Variants in MAN1B1 observed in about 807,000 individuals in gnomAD.
The protein encoded by MAN1B1 is endoplasmic reticulum mannosyl-oligosaccharide 1,2-alpha-mannosidase.
MAN1B1 carries 66 observed loss-of-function variants against 75.5 expected under a neutral mutation model. That is an observed-to-expected ratio of 0.87 (90% CI 0.72 to 1.07). The LOEUF (loss-of-function observed/expected upper bound fraction) is 1.07, where lower values mean the gene tolerates loss of function less well. Ranked by LOEUF, MAN1B1 falls within the 50% of genes least tolerant of loss-of-function variation. MAN1B1 has a pLI of 0.00. For missense variants in MAN1B1, 973 were observed against 912.5 expected (o/e 1.07, Z -0.85); for synonymous variants, 453 against 382.8 (o/e 1.18, Z -2.14).
chr9:137,099,812 G>A lies in MAN1B1; in HGVS notation c.847G>A (p.Glu283Lys). 1 of 1,614,244 alleles carries A rather than the reference G, an allele frequency of 6.2e-7. No individual in the cohort carries two copies. The change falls in exon 6 of 13, where the codon GAG (glutamate) becomes AAG (lysine). Residue 283 changes from glutamate (E) to lysine (K), a missense_variant. Coordinates refer to ENST00000371589, the MANE Select transcript of MAN1B1 (RefSeq NM_016219.5). ...GAAGCCTGTGTCCAGGTCCTTCAGTGAGTGGTTTGGCCTCGGTCTCACACT... is the reference window on the plus strand; with the variant it reads ...GAAGCCTGTGTCCAGGTCCTTCAGTAAGTGGTTTGGCCTCGGTCTCACACT... ...ELKPVSRSFS[E>K]WFGLGLTLID...
Position 137,108,807 on chromosome 9 carries a change from A to T in MAN1B1, c.*216A>T. 1 of 689,656 alleles carries T rather than the reference A, an allele frequency of 1.5e-6. No homozygotes were observed. The highest frequency in any genetic ancestry group is 2.7e-6 in the Non-Finnish European group (1 of 377,334). 42.7% of individuals were successfully genotyped at this position (689,656 alleles called of 1,614,324 possible). On this transcript the variant is annotated 3_prime_UTR_variant, in exon 13 of 13. Transcript: ENST00000371589. ...GATGCGGGGTGGGCTGGGCCGCTGG[A>T]GCCTCCGCCTGCTTCCTCCAGAAGA...
intron 12 of MAN1B1, chr9:137,108,046 C>G: frequency 3.3e-6 from 2 of 609,970 alleles, no homozygotes; most frequent in Non-Finnish European, 2.9e-6. Flanking sequence ...GCCAGAGTGT[C>G]ACTTCCTGGC....
At chr9:137,104,059 G>A (rs901898329) in intron 8 of MAN1B1, 3 of 456,696 alleles carry the variant, frequency 6.6e-6, no homozygotes, top group Non-Finnish European at 1.3e-5. Context: ...TCATGCTGTT[G>A]TGCAGCTATC....
At position 137,108,464 on chromosome 9, in the gene MAN1B1, G is replaced by A. The variant is rs750201202; in HGVS notation, c.1973G>A (p.Ser658Asn). 3 of 1,614,008 alleles carry A rather than the reference G, an allele frequency of 1.9e-6. No individual in the cohort carries two copies. The highest frequency in any genetic ancestry group is 2.2e-5 in the East Asian group (1 of 44,890). ...QKPEPRDKME[S>N]FFLGETLKYL... is the part of the protein sequence containing the mutation. Reference sequence around the variant, plus strand: ...CCCGAGCCTAGGGACAAGATGGAGAGCTTCTTCCTGGGGGAGACGCTCAAG... The same window carrying A: ...CCCGAGCCTAGGGACAAGATGGAGAACTTCTTCCTGGGGGAGACGCTCAAG... The change falls in exon 13 of 13, where the codon AGC (serine) becomes AAC (asparagine). Residue 658 changes from serine (S) to asparagine (N), a missense_variant. Ser to Asn is a conservative substitution (Grantham distance 46, BLOSUM62 1). Coordinates refer to ENST00000371589, the MANE Select transcript of MAN1B1 (RefSeq NM_016219.5).
chr9:137,101,250 T>G, intron 7 of MAN1B1, 97 bp downstream of exon 7: 10 of 1,494,578 alleles, frequency 6.7e-6, no homozygotes, highest in Non-Finnish European at 8.3e-6. Flanking sequence ...TCTTCCTGTT[T>G]CCTCTTCAAA....
At chr9:137,096,194 C>T (rs954428753) in intron 3 of MAN1B1, 43 bp from the exon 4 acceptor site, 22 of 1,611,782 alleles carry the variant, frequency 1.4e-5, no homozygotes, top group Middle Eastern at 1.6e-4. Context: ...AAGGGCAGCT[C>T]GCAGACACCC....
intron 12 of MAN1B1, chr9:137,108,113 T>A (rs1831184231): frequency 3.3e-6 from 2 of 608,240 alleles, no homozygotes; most frequent in Non-Finnish European, 5.8e-6. Context: ...GTCTGCCCTG[T>A]GCCCTGTGCC....
rs751469383 is a variant in MAN1B1, at chr9:137,107,660, C to T, written c.1894C>T (p.Arg632Trp). 30 of 1,609,516 alleles carry T rather than the reference C, an allele frequency of 1.9e-5. No individual in the cohort carries two copies. In the African/African-American group the frequency reaches 2.1e-4, roughly 11 times the overall value. ...EILQSFSRFT[R>W]VPSGGYSSIN... ...TCTGCAGAGCTTCAGCCGATTCACA[C>T]GGGTGAGCACCTGTCCTCGCCCCGC... The change falls in exon 12 of 13, where the codon CGG (arginine) becomes TGG (tryptophan). Residue 632 changes from arginine to tryptophan, a missense_variant and splice_region_variant. By Grantham distance (101) the Arg-to-Trp change is moderately radical (BLOSUM62 -3). Transcript: ENST00000371589.
At chr9:137,088,215 T>C (rs1295388808) in intron 2 of MAN1B1, 32 bp downstream of exon 2, 1 of 1,614,014 alleles carries the variant, frequency 6.2e-7, no homozygotes, top group Admixed American at 1.7e-5. Flanking sequence ...GAAAACGATA[T>C]CTGTGTTGAG....
chr9:137,104,009 A>C (rs1379113864), intron 8 of MAN1B1: 1 of 454,948 alleles, frequency 2.2e-6, no homozygotes, highest in East Asian at 7.0e-5. Flanking sequence ...TGTTACATTC[A>C]CGCTGTTGCA....
chr9:137,101,647 G>A lies in MAN1B1; in HGVS notation c.1229G>A (p.Arg410His), dbSNP rs145477274. ...SIQLEFRELSRLTGDKKFQEA... is the reference protein window; with the variant it reads ...SIQLEFRELSHLTGDKKFQEA... ...CAGCTGGAGTTCCGGGAGCTCTCCC[G>A]TCTCACAGGGGATAAGAAGTTTCAG... The change falls in exon 8 of 13, where the codon CGT (arginine) becomes CAT (histidine). Residue 410 changes from arginine (R) to histidine (H), a missense_variant. Coordinates refer to ENST00000371589, the MANE Select transcript of MAN1B1 (RefSeq NM_016219.5). 1,098 of 1,612,990 alleles carry A rather than the reference G, an allele frequency of 6.8e-4. 19 individuals are homozygous for A. The East Asian group carries it at 0.019, about 28-fold the overall frequency.
rs1830395247 is a variant in MAN1B1 at position 137,087,185 on chromosome 9, C to G, written c.186C>G (p.Asn62Lys). 6.3e-7 allele frequency: 1 copy of G among 1,590,972 alleles called. No individual in the cohort carries two copies. The highest frequency in any genetic ancestry group is 8.5e-7 in the Non-Finnish European group (1 of 1,169,590). ...TGAGCTTTGGCGAGAACTATGACAA[C>G]AGCAAGAGTTGGCGGCGGCGCTCGT... is the stretch of plus-strand genomic sequence containing the variant. ...VTLSFGENYDNSKSWRRRSCW... is the reference protein window; with the variant it reads ...VTLSFGENYDKSKSWRRRSCW... Residue 62 changes from asparagine (N) to lysine (K), a missense_variant, in exon 1 of 13, where the codon AAC becomes AAG. By Grantham distance (94) the Asn-to-Lys change is moderately conservative (BLOSUM62 0). Transcript: ENST00000371589.
At position 137,101,152 on chromosome 9, in the gene MAN1B1, C is replaced by T; in HGVS notation, c.1064C>T (p.Ala355Val). The change falls in exon 7 of 13, where the codon GCT becomes GTT. Residue 355 changes from alanine to valine, a missense_variant and splice_region_variant. Coordinates refer to ENST00000371589, the MANE Select transcript of MAN1B1 (RefSeq NM_016219.5). Reference protein sequence around the residue: ...LSGDSLFLRKAEDFGNRLMPA... With the variant: ...LSGDSLFLRKVEDFGNRLMPA... ...GGGGACAGCCTCTTCCTGAGGAAAG[C>T]TGTAAGTGTCTTGGGGTGTCCTGCA... is the stretch of plus-strand genomic sequence containing the variant. 6.2e-7 allele frequency: 1 copy of T among 1,613,790 alleles called. No individual in the cohort carries two copies. The highest frequency in any genetic ancestry group is 8.5e-7 in the Non-Finnish European group (1 of 1,180,022).
rs759386627 is a variant in MAN1B1, at chr9:137,101,123, G to A, written c.1035G>A (p.Leu345=). The change falls in exon 7 of 13, where the codon CTG becomes CTA. Residue 345 remains leucine (L), a synonymous_variant. Transcript: ENST00000371589. The part of the protein sequence containing the change: ...ILGGLLSAYH[L]SGDSLFLRKA... Reference sequence around the variant, plus strand: ...GGGGGCTCCTGAGTGCCTACCACCTGTCTGGGGACAGCCTCTTCCTGAGGA... The same window carrying A: ...GGGGGCTCCTGAGTGCCTACCACCTATCTGGGGACAGCCTCTTCCTGAGGA... 3 of 1,614,000 alleles carry A rather than the reference G, an allele frequency of 1.9e-6. No homozygotes were observed. The highest frequency in any genetic ancestry group is 2.7e-5 in the African/African-American group (2 of 74,932).
At chr9:137,089,526 G>T (rs1397870092) in intron 3 of MAN1B1, among the ~76,000 whole-genome samples, 1 of 152,232 alleles carries the variant, frequency 6.6e-6, no homozygotes, top group Non-Finnish European at 1.5e-5. Context: ...GCATATGCGG[G>T]AAGGTGAAAT....
intron 8 of MAN1B1, chr9:137,102,347 CGGT>C (rs1252438671): frequency 3.9e-4 from 159 of 410,098 alleles, no homozygotes; most frequent in Non-Finnish European, 5.9e-4. Flanking sequence ...GCGTGCAGGT[CGGT>C]GGTGTTACAT....
At chr9:137,095,368 T>A (rs1169830345) in intron 3 of MAN1B1, among the ~76,000 whole-genome samples, 3 of 150,430 alleles carry the variant, frequency 2.0e-5, no homozygotes, top group Non-Finnish European at 4.4e-5. Flanking sequence ...CATTCTTTCC[T>A]TTTTTAAAAA....
intron 2 of MAN1B1, 44 bp downstream of exon 2, chr9:137,088,227 G>A: frequency 6.2e-7 from 1 of 1,613,984 alleles, no homozygotes; most frequent in Non-Finnish European, 8.5e-7. Context: ...TGTGTTGAGG[G>A]TTGATTGGGC....
At chr9:137,090,693 C>T (rs1830492181) in intron 3 of MAN1B1, among the ~76,000 whole-genome samples, 1 of 152,138 alleles carries the variant, frequency 6.6e-6, no homozygotes, top group East Asian at 1.9e-4. Flanking sequence ...GCGCCCGACA[C>T]CACGCACAGC....
Sources: gnomAD v4.1 joint callset for allele counts (sites outside exome capture counted in the v4.1 genomes callset) on GRCh38, gnomAD v4.1.1 for gene constraint, MANE v1.5 for transcripts, NCBI Gene and HGNC (gene_info 2026-07-23, HGNC 2026-07-21) for gene names.